APP: variants seen among roughly 807,000 people sequenced by gnomAD.
APP encodes the protein amyloid-beta precursor protein.
In APP, 31 loss-of-function variants were observed where a neutral mutation model predicts 101.4. That is an observed-to-expected ratio of 0.31 (90% CI 0.23 to 0.41). APP has a LOEUF of 0.41. Ranked by LOEUF, APP falls within the 10% of genes least tolerant of loss-of-function variation. The pLI, the probability that APP is intolerant of heterozygous loss-of-function variation, is 1.00. For missense variants in APP, 839 were observed against 1,003.7 expected (o/e 0.84, Z 2.22); for synonymous variants, 366 against 364.4 (o/e 1.00, Z -0.05).
At chr21:25,912,498 GA>G (rs1191008425) in intron 13 of APP, among the ~76,000 whole-genome samples, 2 of 151,990 alleles carry the variant, frequency 1.3e-5, no homozygotes, top group African/African-American at 2.4e-5. Flanking sequence ...GTCTTGCCTT[GA>G]AAAAAAATCT....
At chr21:26,054,620 G>GTTTTTTT (rs369608335) in intron 3 of APP, among the ~76,000 whole-genome samples, 1 of 107,992 alleles carries the variant, frequency 9.3e-6, no homozygotes, top group African/African-American at 3.3e-5. Context: ...TAGGCCAAAA[G>GTTTTTTT]TTTTTTTTTT....
chr21:25,996,969 A>G (rs567205885), intron 8 of APP, among the ~76,000 whole-genome samples: 1 of 152,324 alleles, frequency 6.6e-6, no homozygotes, highest in South Asian at 2.1e-4. Context: ...CTTTCCTTCC[A>G]CTGCACCTAG....
At chr21:25,906,875 T>C (rs771045385) in intron 14 of APP, among the ~76,000 whole-genome samples, 1 of 152,106 alleles carries the variant, frequency 6.6e-6, no homozygotes, top group African/African-American at 2.4e-5. Flanking sequence ...CATCAATAGT[T>C]ACGTTATTAG....
chr21:26,135,110 G>C (rs927395664), intron 1 of APP, among the ~76,000 whole-genome samples: 68 of 152,262 alleles, frequency 4.5e-4, no homozygotes, highest in African/African-American at 1.6e-3. Context: ...TTAGTGAATA[G>C]ACAGCAAGAG....
chr21:26,063,233 T>C (rs866567367), intron 3 of APP, among the ~76,000 whole-genome samples: 1 of 152,214 alleles, frequency 6.6e-6, no homozygotes, highest in Non-Finnish European at 1.5e-5. Flanking sequence ...TTTAGCTTAA[T>C]ATAGACTAGA....
intron 8 of APP, among the ~76,000 whole-genome samples, chr21:25,987,662 G>A (rs2042688520): frequency 6.6e-6 from 1 of 152,178 alleles, no homozygotes; most frequent in Non-Finnish European, 1.5e-5. Context: ...GTGGCATTTT[G>A]GATGACTAAC....
chr21:25,981,703 C>A (rs1601104387), intron 9 of APP, among the ~76,000 whole-genome samples: 1 of 139,744 alleles, frequency 7.2e-6, no homozygotes, highest in Non-Finnish European at 1.5e-5. Context: ...CAAACCAAAC[C>A]AAAACAGGTT....
At chr21:25,883,220 T>C (rs567217669) in intron 17 of APP, among the ~76,000 whole-genome samples, 162 of 152,184 alleles carry the variant, frequency 1.1e-3, no homozygotes, top group Non-Finnish European at 1.9e-3. Context: ...CTGGCCAACA[T>C]GGTGAAACCT....
chr21:26,008,968 T>C (rs1461874651), intron 6 of APP, among the ~76,000 whole-genome samples: 3 of 152,148 alleles, frequency 2.0e-5, no homozygotes, highest in East Asian at 1.9e-4. Flanking sequence ...AATAGGATCA[T>C]GGACCAGCAG....
At chr21:25,881,894 T>C (rs1027658404) in intron 17 of APP, 123 bp from the exon 18 acceptor site, 1 of 975,588 alleles carries the variant, frequency 1.0e-6, no homozygotes, top group Admixed American at 2.0e-5. Flanking sequence ...AGAACACCCA[T>C]AATTTTCTCC....
At chr21:25,927,015 A>G (rs1378626060) in intron 13 of APP, among the ~76,000 whole-genome samples, 2 of 151,454 alleles carry the variant, frequency 1.3e-5, no homozygotes, top group East Asian at 3.9e-4. Flanking sequence ...AAAAAAAAAA[A>G]AAAAAAAAAA....
At position 25,897,606 on chromosome 21, in the gene APP, A is replaced by T. The variant is rs1047158776; in HGVS notation, c.2031T>A (p.His677Gln). 1.3e-5 allele frequency: 21 copies of T among 1,614,014 alleles called. No individual in the cohort carries two copies. The highest frequency in any genetic ancestry group is 1.8e-5 in the Non-Finnish European group (21 of 1,179,906). ...SEVKMDAEFRHDSGYEVHHQK... is the reference protein window; with the variant it reads ...SEVKMDAEFRQDSGYEVHHQK... Reference sequence around the variant, plus strand: ...GATGATGAACTTCATATCCTGAGTCATGTCGGAATTCTGCATCCATCTTCA... The same window carrying T: ...GATGATGAACTTCATATCCTGAGTCTTGTCGGAATTCTGCATCCATCTTCA... Residue 677 changes from histidine to glutamine, a missense_variant, in exon 16 of 18, where the codon CAT (histidine) becomes CAA (glutamine). His to Gln is a conservative substitution (Grantham distance 24, BLOSUM62 0). Coordinates refer to ENST00000346798, the MANE Select transcript of APP (RefSeq NM_000484.4).
chr21:26,164,953 T>G (rs1395296371), intron 1 of APP, among the ~76,000 whole-genome samples: 1 of 152,212 alleles, frequency 6.6e-6, no homozygotes, highest in East Asian at 1.9e-4. Context: ...TTATGCTTTT[T>G]GCACATTTCT....
chr21:25,903,753 G>A (rs1325532401), intron 15 of APP, among the ~76,000 whole-genome samples: 3 of 152,200 alleles, frequency 2.0e-5, no homozygotes, highest in Admixed American at 2.0e-4. Flanking sequence ...GACATTAGAA[G>A]AACTGAAACT....
At chr21:25,886,333 A>G (rs367917909) in intron 17 of APP, among the ~76,000 whole-genome samples, 1 of 152,056 alleles carries the variant, frequency 6.6e-6, no homozygotes, top group Non-Finnish European at 1.5e-5. Context: ...GCAGTTGACT[A>G]TGTTTATGGC....
intron 1 of APP, among the ~76,000 whole-genome samples, chr21:26,156,439 A>G (rs1484941550): frequency 6.6e-6 from 1 of 152,230 alleles, no homozygotes; most frequent in African/African-American, 2.4e-5. Context: ...GAGAGTGAGT[A>G]CTCAAGTTCT....
intron 8 of APP, among the ~76,000 whole-genome samples, chr21:25,988,663 T>C (rs371748222): frequency 8.4e-5 from 12 of 142,066 alleles, no homozygotes; most frequent in African/African-American, 2.2e-4. Context: ...GATTGTGCCA[T>C]TGCACCCCAG....
chr21:26,087,993 GTTTT>G (rs1052293001), intron 3 of APP, among the ~76,000 whole-genome samples: 5 of 151,906 alleles, frequency 3.3e-5, no homozygotes, highest in African/African-American at 1.2e-4. Flanking sequence ...TCACTTGGAG[GTTTT>G]TTTGTTTGTT....
chr21:26,063,726 G>A lies in APP; in HGVS notation c.356-10378C>T, dbSNP rs569519161. On this transcript the variant is annotated intron_variant, in intron 3 of 17. Coordinates refer to ENST00000346798, the MANE Select transcript of APP (RefSeq NM_000484.4). Reference sequence around the variant, plus strand: ...AGGAAAAAAGAGACAAATCTCCTGCGCAGAAGAATTCCAAATAATTTATGT... The same window carrying A: ...AGGAAAAAAGAGACAAATCTCCTGCACAGAAGAATTCCAAATAATTTATGT... Among the ~76,000 whole-genome samples, 8 of 152,292 alleles carry A rather than the reference G, an allele frequency of 5.3e-5. No homozygotes were observed. The South Asian group carries it at 8.3e-4, about 16-fold the overall frequency.
Sources: allele counts gnomAD v4.1 joint callset (sites outside exome capture counted in the v4.1 genomes callset), GRCh38; gene constraint gnomAD v4.1.1; transcripts MANE v1.5; gene names NCBI Gene and HGNC (gene_info 2026-07-23, HGNC 2026-07-21).